The following SPOCK3 variants were observed in gnomAD, a reference collection of about 807,000 sequenced individuals.
SPOCK3 encodes the protein SPARC (osteonectin), cwcv and kazal like domains proteoglycan 3, also known as testican-3.
In SPOCK3, 30 loss-of-function variants were observed where a neutral mutation model predicts 56.6. The ratio of observed to expected loss-of-function variants is 0.53; its 90% CI spans 0.40 to 0.72. The LOEUF (loss-of-function observed/expected upper bound fraction) is 0.72. Among genes scored for constraint, SPOCK3 ranks in the 30% least tolerant of loss-of-function variants. The pLI is 0.00. For synonymous variants in SPOCK3, 196 were observed against 183.3 expected (o/e 1.07, Z -0.56); for missense variants, 527 against 530.0 (o/e 0.99, Z 0.06).
At chr4:166,812,761 T>G (rs1312631962) in intron 6 of SPOCK3, among the ~76,000 whole-genome samples, 1 of 152,004 alleles carries the variant, frequency 6.6e-6, no homozygotes, top group African/African-American at 2.4e-5. Context: ...GAATTAAATT[T>G]ATTATTTAAA....
chr4:166,962,263 C>T (rs1031404643), intron 4 of SPOCK3, among the ~76,000 whole-genome samples: 1 of 152,086 alleles, frequency 6.6e-6, no homozygotes, highest in Non-Finnish European at 1.5e-5. Context: ...CTTTGTGAGG[C>T]CATTGTTCTG....
At chr4:166,840,311 G>A (rs900912452) in intron 6 of SPOCK3, among the ~76,000 whole-genome samples, 2 of 152,154 alleles carry the variant, frequency 1.3e-5, no homozygotes, top group Non-Finnish European at 2.9e-5. Context: ...TGAAAATGCT[G>A]AAAGTACAGG....
At chr4:167,158,424 G>T (rs1157465890) in intron 2 of SPOCK3, among the ~76,000 whole-genome samples, 10 of 151,960 alleles carry the variant, frequency 6.6e-5, no homozygotes, top group Non-Finnish European at 1.3e-4. Flanking sequence ...TGCAGTGGGT[G>T]TCATCACCAA....
intron 6 of SPOCK3, among the ~76,000 whole-genome samples, chr4:166,847,524 G>A (rs1162963813): frequency 6.6e-6 from 1 of 151,260 alleles, no homozygotes; most frequent in African/African-American, 2.4e-5. Context: ...GTGATGGTAT[G>A]AGCAGCACTG....
chr4:167,096,881 A>T (rs1216777006), intron 2 of SPOCK3, among the ~76,000 whole-genome samples: 1 of 151,896 alleles, frequency 6.6e-6, no homozygotes, highest in East Asian at 1.9e-4. Context: ...ATAGTAATGG[A>T]TACATCTATT....
intron 2 of SPOCK3, among the ~76,000 whole-genome samples, chr4:167,115,440 A>G (rs1761252697): frequency 6.6e-6 from 1 of 152,148 alleles, no homozygotes; most frequent in African/African-American, 2.4e-5. Context: ...AAATTGAAGC[A>G]TAAGATAAAA....
intron 4 of SPOCK3, among the ~76,000 whole-genome samples, chr4:166,996,943 A>G (rs1166323880): frequency 1.3e-5 from 2 of 152,170 alleles, no homozygotes; most frequent in African/African-American, 4.8e-5. Context: ...CTAGTTTCTT[A>G]AAACCAATCG....
At chr4:166,962,799 C>G (rs1235852202) in intron 4 of SPOCK3, among the ~76,000 whole-genome samples, 2 of 151,986 alleles carry the variant, frequency 1.3e-5, no homozygotes, top group Non-Finnish European at 2.9e-5. Context: ...TTTTCAAAAT[C>G]TAACTATGGG....
At chr4:166,853,659 G>T (rs1289369902) in intron 6 of SPOCK3, among the ~76,000 whole-genome samples, 1 of 152,130 alleles carries the variant, frequency 6.6e-6, no homozygotes, top group Non-Finnish European at 1.5e-5. Flanking sequence ...GAGGTAGGTG[G>T]ATCACTTGAG....
chr4:167,128,516 A>G (rs1417323132), intron 2 of SPOCK3, among the ~76,000 whole-genome samples: 3 of 152,182 alleles, frequency 2.0e-5, no homozygotes, highest in Non-Finnish European at 2.9e-5. Flanking sequence ...CCCGTATAGC[A>G]TATGGAGGTG....
intron 5 of SPOCK3, among the ~76,000 whole-genome samples, chr4:166,890,404 A>G (rs957831033): frequency 6.6e-6 from 1 of 151,800 alleles, no homozygotes; most frequent in Non-Finnish European, 1.5e-5. Flanking sequence ...TAAGAACCAA[A>G]CAGCCAGTTT....
chr4:166,823,772 T>G (rs1234464447), intron 6 of SPOCK3, among the ~76,000 whole-genome samples: 1 of 152,082 alleles, frequency 6.6e-6, no homozygotes, highest in African/African-American at 2.4e-5. Flanking sequence ...AACTTCTATT[T>G]TTTTGCCTCT....
chr4:167,012,764 A>G (rs1750214989), intron 3 of SPOCK3, among the ~76,000 whole-genome samples: 1 of 152,002 alleles, frequency 6.6e-6, no homozygotes, highest in African/African-American at 2.4e-5. Context: ...TGATTTTAAA[A>G]TCGTTTTAAT....
chr4:166,902,666 T>C (rs956946623), intron 5 of SPOCK3, among the ~76,000 whole-genome samples: 2 of 151,720 alleles, frequency 1.3e-5, no homozygotes, highest in Non-Finnish European at 2.9e-5. Context: ...TATTATTCTA[T>C]GTTACGTACA....
chr4:167,057,249 C>T (rs1373047005), intron 3 of SPOCK3, among the ~76,000 whole-genome samples: 1 of 152,168 alleles, frequency 6.6e-6, no homozygotes, highest in Non-Finnish European at 1.5e-5. Context: ...GCGATTTTGT[C>T]ACCACCAGGC....
intron 2 of SPOCK3, among the ~76,000 whole-genome samples, chr4:167,141,426 AC>A (rs1169501863): frequency 6.6e-6 from 1 of 152,010 alleles, no homozygotes; most frequent in Non-Finnish European, 1.5e-5. Context: ...TGCTTTTCCA[AC>A]CATTACATTT....
intron 4 of SPOCK3, among the ~76,000 whole-genome samples, chr4:166,955,789 T>A (rs945747786): frequency 6.6e-6 from 1 of 151,812 alleles, no homozygotes; most frequent in Non-Finnish European, 1.5e-5. Context: ...TCTTCAGCCC[T>A]TTCAAGCAAT....
At chr4:167,106,507 T>C (rs986669299) in intron 2 of SPOCK3, among the ~76,000 whole-genome samples, 5 of 151,766 alleles carry the variant, frequency 3.3e-5, no homozygotes, top group African/African-American at 1.2e-4. Flanking sequence ...GGAAAGTTTA[T>C]AAATATAAGT....
chr4:166,769,489 C>T (rs982209628), intron 7 of SPOCK3, among the ~76,000 whole-genome samples: 2 of 152,206 alleles, frequency 1.3e-5, no homozygotes, highest in Non-Finnish European at 1.5e-5. Context: ...GCAGCAGAGG[C>T]TGCAGAACAG....
Sources: gnomAD v4.1 joint callset for allele counts (sites outside exome capture counted in the v4.1 genomes callset) on GRCh38, gnomAD v4.1.1 for gene constraint, MANE v1.5 for transcripts, NCBI Gene and HGNC (gene_info 2026-07-23, HGNC 2026-07-21) for gene names.